Variants in ZBTB20 observed in about 807,000 individuals in gnomAD.
ZBTB20 encodes zinc finger and BTB domain-containing protein 20.
ZBTB20 carries 9 observed loss-of-function variants against 56.9 expected under a neutral mutation model. The ratio of observed to expected loss-of-function variants is 0.16; its 90% CI spans 0.10 to 0.28. ZBTB20 has a LOEUF of 0.28. Among genes scored for constraint, ZBTB20 ranks in the 10% least tolerant of loss-of-function variants. ZBTB20 has a pLI of 1.00. For missense variants in ZBTB20, 655 were observed against 1,003.0 expected (o/e 0.65, Z 4.69); for synonymous variants, 417 against 420.7 (o/e 0.99, Z 0.11).
intron 6 of ZBTB20, among the ~76,000 whole-genome samples, chr3:114,505,367 C>T (rs2044483926): frequency 6.6e-6 from 1 of 152,098 alleles, no homozygotes; most frequent in African/African-American, 2.4e-5. Context: ...TGGTTACTTT[C>T]AGCATTGTGA....
chr3:114,923,140 T>G (rs905966327), intron 3 of ZBTB20, among the ~76,000 whole-genome samples: 2 of 152,222 alleles, frequency 1.3e-5, no homozygotes, highest in African/African-American at 4.8e-5. Flanking sequence ...ATTTTTAAAA[T>G]GCCCATGCTA....
intron 7 of ZBTB20, among the ~76,000 whole-genome samples, chr3:114,491,712 C>T (rs930485395): frequency 5.9e-5 from 9 of 152,082 alleles, no homozygotes. Context: ...CATGAAAATA[C>T]AAAAAATACT....
chr3:114,901,214 G>A (rs534728789), intron 3 of ZBTB20, among the ~76,000 whole-genome samples: 40 of 151,726 alleles, frequency 2.6e-4, no homozygotes, highest in Admixed American at 5.9e-4. Flanking sequence ...AGACTAGCCC[G>A]AGATTACGCT....
rs58242110 is a variant in ZBTB20 at position 114,331,105 on chromosome 3, A to ATGTGTGTG, written c.*7892_*7899dup. The ATGTGTGTG allele has an allele frequency of 0.27, 40,441 of 148,488 alleles. 6,578 individuals are homozygous for ATGTGTGTG. Among genetic ancestry groups the ATGTGTGTG allele is most frequent in the Non-Finnish European group, 0.38 (25,090 of 66,890 alleles). The allele number at this position is 148,488 out of a possible 1,614,324, so 9.2% of individuals were successfully genotyped here. A position where few individuals can be genotyped will look rare whatever the true frequency, so the allele number is the denominator to read the frequency against. The stretch of plus-strand genomic sequence containing the variant: ...AAGCTTTAGTTTGAGAATAAAATTT[A>ATGTGTGTG]TGTGTGTGTGTGTGTGTGTGTGTGT... On this transcript the variant is annotated 3_prime_UTR_variant, in exon 12 of 12. Coordinates refer to ENST00000675478, the MANE Select transcript of ZBTB20 (RefSeq NM_001348800.3).
At chr3:114,698,323 T>C (rs2063176684) in intron 5 of ZBTB20, among the ~76,000 whole-genome samples, 2 of 152,020 alleles carry the variant, frequency 1.3e-5, no homozygotes, top group Admixed American at 6.6e-5. Context: ...AAAAGAGAAA[T>C]AGGCAAAATG....
At chr3:114,393,336 TCC>T in intron 7 of ZBTB20, among the ~76,000 whole-genome samples, 1 of 152,344 alleles carries the variant, frequency 6.6e-6, no homozygotes, top group African/African-American at 2.4e-5. Flanking sequence ...AATTTACAAA[TCC>T]TTTGTGTAAT....
chr3:114,713,312 T>A (rs1301017839), intron 5 of ZBTB20, among the ~76,000 whole-genome samples: 1 of 152,106 alleles, frequency 6.6e-6, no homozygotes, highest in East Asian at 1.9e-4. Flanking sequence ...TTTTTACAAC[T>A]CCAAGTGTGG....
chr3:114,751,601 C>T (rs2951799), intron 5 of ZBTB20, among the ~76,000 whole-genome samples: 2,204 of 152,208 alleles, frequency 0.014, 62 homozygotes, highest in African/African-American at 0.049. Context: ...TATTTCTTAT[C>T]ATTTTCCATC....
intron 7 of ZBTB20, among the ~76,000 whole-genome samples, chr3:114,409,125 CTTTTTTTTTTT>C (rs56339103): frequency 0.02 from 1,420 of 72,102 alleles, 35 homozygotes; most frequent in African/African-American, 0.074. Context: ...AAAGGGAAGA[CTTTTTTTTTTT>C]TTTTTTTTTT....
intron 8 of ZBTB20, chr3:114,387,290 T>C (rs894533268): frequency 1.3e-5 from 2 of 152,232 alleles, no homozygotes; most frequent in African/African-American, 4.8e-5. Context: ...TTTAATTTTT[T>C]ATCCTCTTTA....
At chr3:114,696,864 C>G (rs1299419917) in intron 5 of ZBTB20, among the ~76,000 whole-genome samples, 1 of 151,876 alleles carries the variant, frequency 6.6e-6, no homozygotes. Context: ...ATTAAGAAGG[C>G]AGTACAGTGA....
At chr3:115,017,940 T>C (rs1016417814) in intron 2 of ZBTB20, among the ~76,000 whole-genome samples, 1 of 151,584 alleles carries the variant, frequency 6.6e-6, no homozygotes, top group African/African-American at 2.4e-5. Context: ...ATTGTGGTTA[T>C]TTCTGTGCTG....
chr3:114,862,311 A>G (rs374717164), intron 4 of ZBTB20, among the ~76,000 whole-genome samples: 2 of 151,968 alleles, frequency 1.3e-5, no homozygotes, highest in East Asian at 3.9e-4. Flanking sequence ...ACGGTAAATA[A>G]TTTTTTTTAA....
At chr3:114,598,205 C>T (rs1317739676) in intron 6 of ZBTB20, among the ~76,000 whole-genome samples, 4 of 152,052 alleles carry the variant, frequency 2.6e-5, no homozygotes, top group Non-Finnish European at 1.5e-5. Flanking sequence ...CACATACATA[C>T]ACATAAATAT....
intron 4 of ZBTB20, among the ~76,000 whole-genome samples, chr3:114,828,589 A>G (rs2073677638): frequency 6.6e-6 from 1 of 151,864 alleles, no homozygotes; most frequent in Non-Finnish European, 1.5e-5. Flanking sequence ...GGCATATATC[A>G]ATGCATAGTG....
At chr3:114,525,775 A>G (rs2047151084) in intron 6 of ZBTB20, among the ~76,000 whole-genome samples, 2 of 152,182 alleles carry the variant, frequency 1.3e-5, no homozygotes, top group African/African-American at 4.8e-5. Context: ...GCCTCCTTAG[A>G]TAGCTTCATA....
At chr3:114,909,124 G>A (rs932241181) in intron 3 of ZBTB20, among the ~76,000 whole-genome samples, 1 of 151,992 alleles carries the variant, frequency 6.6e-6, no homozygotes, top group African/African-American at 2.4e-5. Context: ...TATCACAGGA[G>A]ATGACAGCTC....
intron 5 of ZBTB20, among the ~76,000 whole-genome samples, chr3:114,789,626 G>T (rs561344205): frequency 2.3e-4 from 35 of 152,196 alleles, no homozygotes; most frequent in Non-Finnish European, 4.9e-4. Flanking sequence ...GAAGGGAAGA[G>T]AAATTTAGAA....
intron 1 of ZBTB20, among the ~76,000 whole-genome samples, chr3:115,132,084 T>A (rs1027211123): frequency 1.2e-4 from 18 of 152,076 alleles, no homozygotes; most frequent in African/African-American, 4.3e-4. Flanking sequence ...GAAAAAAAAA[T>A]CTCCCAAGAT....
Sources: allele counts gnomAD v4.1 joint callset (sites outside exome capture counted in the v4.1 genomes callset), GRCh38; gene constraint gnomAD v4.1.1; transcripts MANE v1.5; gene names NCBI Gene and HGNC (gene_info 2026-07-23, HGNC 2026-07-21).